ANAPC1: variants seen among roughly 807,000 people sequenced by gnomAD.
ANAPC1 encodes the protein anaphase promoting complex subunit 1, also known as anaphase-promoting complex subunit 1.
A neutral mutation model predicts 208.0 loss-of-function variants in ANAPC1; 36 were observed. That is an observed-to-expected ratio of 0.17 (90% CI 0.13 to 0.23). The LOEUF (loss-of-function observed/expected upper bound fraction) is 0.23, where lower values mean the gene tolerates loss of function less well. Ranked by LOEUF, ANAPC1 falls within the 10% of genes least tolerant of loss-of-function variation. The pLI is 1.00. For synonymous variants in ANAPC1, 378 were observed against 695.2 expected (o/e 0.54, Z 7.18); for missense variants, 942 against 2,011.6 (o/e 0.47, Z 10.17).
intron 15 of ANAPC1, among the ~76,000 whole-genome samples, chr2:111,847,458 T>G (rs972733883): frequency 6.6e-6 from 1 of 152,240 alleles, no homozygotes; most frequent in Non-Finnish European, 1.5e-5. Context: ...CATTTACTTT[T>G]AATGAGAAGA....
chr2:111,838,305 C>T, intron 18 of ANAPC1, 133 bp downstream of exon 18: 3 of 605,200 alleles, frequency 5.0e-6, no homozygotes, highest in Non-Finnish European at 7.9e-6. Flanking sequence ...AAAATAATTG[C>T]TATTCAGTAT....
intron 37 of ANAPC1, among the ~76,000 whole-genome samples, chr2:111,793,527 C>CA (rs1367395674): frequency 3.3e-5 from 5 of 151,596 alleles, no homozygotes; most frequent in Admixed American, 6.6e-5. Flanking sequence ...CACCCAGCCA[C>CA]AAAAAATTCT....
Position 111,794,315 on chromosome 2 carries a change from T to C in ANAPC1, c.4382A>G (p.His1461Arg). 6.3e-7 allele frequency: 1 copy of C among 1,599,862 alleles called. No homozygotes were observed. Residue 1461 changes from histidine to arginine, a missense_variant, in exon 36 of 48, where the codon CAT (histidine) becomes CGT (arginine). Transcript: ENST00000341068. ...DLNLETLSQA[H>R]VYIIAGACLS... is the part of the protein sequence containing the mutation. ...GCAGGCTCCTGCAATTATGTAGACATGTGCTTGGCTGAAAACAGGTGACAA... is the reference window on the plus strand; with the variant it reads ...GCAGGCTCCTGCAATTATGTAGACACGTGCTTGGCTGAAAACAGGTGACAA...
At chr2:111,827,109 A>G (rs7586182) in intron 21 of ANAPC1, among the ~76,000 whole-genome samples, 88,281 of 151,852 alleles carry the variant, frequency 0.58, 26,593 homozygotes, top group South Asian at 0.69. Flanking sequence ...GAGAGTTTCG[A>G]TTGCTCCATA....
intron 28 of ANAPC1, among the ~76,000 whole-genome samples, chr2:111,810,984 G>A (rs1027876538): frequency 1.2e-4 from 18 of 151,720 alleles, no homozygotes; most frequent in Non-Finnish European, 2.1e-4. Flanking sequence ...AGCAATGGTC[G>A]ATCCCCCTTT....
In ANAPC1 at chr2:111,817,360, TTTC is replaced by T. The variant is rs1195723270; in HGVS notation, c.3325+1477_3325+1479del. On this transcript the variant is annotated intron_variant, in intron 27 of 47. Coordinates refer to ENST00000341068, the MANE Select transcript of ANAPC1 (RefSeq NM_022662.4). ...AACATTTGCCAATTTTGCATTAGAT[TTTC>T]TTTTTAATCTGCACTTATTATATGA... Among the ~76,000 whole-genome samples the T allele has an allele frequency of 4.1e-5, 6 of 144,898 alleles. No individual in the cohort carries two copies. The East Asian group carries it at 5.8e-4, about 14-fold the overall frequency.
In ANAPC1 at chr2:111,868,006, T is replaced by C. The variant is rs775189938; in HGVS notation, c.685+17A>G. 1.3e-6 allele frequency: 2 copies of C among 1,543,844 alleles called. No homozygotes were observed. The highest frequency in any genetic ancestry group is 1.8e-6 in the Non-Finnish European group (2 of 1,139,534). On this transcript the variant is annotated intron_variant, in intron 7 of 47. Transcript: ENST00000341068. Reference sequence around the variant, plus strand: ...AAAAAAAAGAGCTTATCTAAAAGAATATAGAAATACACTTACTTCCAGATT... The same window carrying C: ...AAAAAAAAGAGCTTATCTAAAAGAACATAGAAATACACTTACTTCCAGATT...
chr2:111,830,195 G>A (rs1483600962), intron 21 of ANAPC1, among the ~76,000 whole-genome samples: 1 of 152,218 alleles, frequency 6.6e-6, no homozygotes. Context: ...CAGCCACAAA[G>A]ATCAATGAAC....
At chr2:111,801,253 A>G (rs565896838) in intron 33 of ANAPC1, among the ~76,000 whole-genome samples, 1 of 151,526 alleles carries the variant, frequency 6.6e-6, no homozygotes, top group African/African-American at 2.4e-5. Flanking sequence ...GCTACTCAGG[A>G]GGCTGAGGAA....
At chr2:111,860,723 G>A (rs1193843141) in intron 10 of ANAPC1, among the ~76,000 whole-genome samples, 1 of 151,886 alleles carries the variant, frequency 6.6e-6, no homozygotes, top group Non-Finnish European at 1.5e-5. Flanking sequence ...TGCCAGCTTT[G>A]TCTCTTTCCA....
At chr2:111,854,624 T>C (rs1681601233) in intron 13 of ANAPC1, among the ~76,000 whole-genome samples, 1 of 152,224 alleles carries the variant, frequency 6.6e-6, no homozygotes, top group South Asian at 2.1e-4. Flanking sequence ...CATCAGCACA[T>C]GCTGCTTCAC....
intron 21 of ANAPC1, among the ~76,000 whole-genome samples, chr2:111,828,957 G>A (rs1405437651): frequency 1.3e-5 from 2 of 152,238 alleles, no homozygotes; most frequent in Non-Finnish European, 2.9e-5. Flanking sequence ...GCTCACGCCT[G>A]TAACCCCTGC....
chr2:111,800,038 A>G (rs1343577657), intron 34 of ANAPC1, among the ~76,000 whole-genome samples: 1 of 84,968 alleles, frequency 1.2e-5, no homozygotes, highest in African/African-American at 4.2e-5. Context: ...CAGTTAATAC[A>G]TATGGTACAA....
intron 3 of ANAPC1, among the ~76,000 whole-genome samples, chr2:111,875,214 T>A (rs1242569993): frequency 2.0e-5 from 3 of 152,226 alleles, no homozygotes; most frequent in African/African-American, 7.2e-5. Flanking sequence ...CATGTGTGCA[T>A]CTTTAGAAAA....
intron 46 of ANAPC1, among the ~76,000 whole-genome samples, chr2:111,776,336 G>A (rs1371816618): frequency 6.8e-5 from 10 of 147,614 alleles, no homozygotes; most frequent in East Asian, 2.0e-4. Flanking sequence ...CACTGTTAAC[G>A]AGTAACTACA....
At chr2:111,821,602 T>C in intron 25 of ANAPC1, 149 bp from the exon 26 acceptor site, 2 of 627,768 alleles carry the variant, frequency 3.2e-6, no homozygotes, top group East Asian at 2.7e-5. Context: ...AGCCGCAATG[T>C]ATACTGGGAC....
chr2:111,840,233 T>C (rs1181594437), intron 17 of ANAPC1, among the ~76,000 whole-genome samples: 1 of 152,062 alleles, frequency 6.6e-6, no homozygotes, highest in Non-Finnish European at 1.5e-5. Flanking sequence ...TAACGAGTCA[T>C]TGGCAGAAAT....
chr2:111,855,424 C>A (rs1681645035), intron 13 of ANAPC1, among the ~76,000 whole-genome samples: 1 of 151,946 alleles, frequency 6.6e-6, no homozygotes, highest in Admixed American at 6.5e-5. Context: ...GAAGTTGCCA[C>A]AAACCTTCAA....
At chr2:111,844,233 C>T (rs942044743) in intron 16 of ANAPC1, among the ~76,000 whole-genome samples, 3 of 152,090 alleles carry the variant, frequency 2.0e-5, no homozygotes, top group Non-Finnish European at 4.4e-5. Context: ...ACTAACTGCT[C>T]GCCTTCACTC....
Sources: allele counts gnomAD v4.1 joint callset (sites outside exome capture counted in the v4.1 genomes callset), GRCh38; gene constraint gnomAD v4.1.1; transcripts MANE v1.5; gene names NCBI Gene and HGNC (gene_info 2026-07-23, HGNC 2026-07-21).